Variants in TARS3 observed in about 807,000 individuals in gnomAD.
TARS3 encodes threonine--tRNA ligase 2, cytoplasmic.
TARS3 carries 94 observed loss-of-function variants against 103.5 expected under a neutral mutation model. That is an observed-to-expected ratio of 0.91 (90% confidence interval 0.77 to 1.08). TARS3 has a LOEUF of 1.08. Ranked by LOEUF, TARS3 falls within the 50% of genes least tolerant of loss-of-function variation. The pLI is 0.00. For synonymous variants in TARS3, 416 were observed against 355.4 expected, an observed-to-expected ratio of 1.17 and a Z score of -1.92; for missense variants, 952 against 995.2, an observed-to-expected ratio of 0.96 and a Z score of 0.58.
At chr15:101,655,896 C>T (rs1193285457) in intron 18 of TARS3, 1 of 1,288,686 alleles carries the variant, frequency 7.8e-7, no homozygotes, top group African/African-American at 1.5e-5. Flanking sequence ...ACACCAGACC[C>T]ATGCGAGCCA....
At chr15:101,688,256 T>C (rs936890101) in intron 10 of TARS3, among the ~76,000 whole-genome samples, 25 of 152,186 alleles carry the variant, frequency 1.6e-4, no homozygotes, top group African/African-American at 5.5e-4. Flanking sequence ...TGGATGTTCA[T>C]TGCATTGCAT....
In TARS3 at chr15:101,724,457, A is replaced by C. The variant is rs1463163667; in HGVS notation, c.-70T>G. The C allele has an allele frequency of 2.2e-6, 3 of 1,343,204 alleles. No individual in the cohort carries two copies. The highest frequency in any genetic ancestry group is 9.5e-7 in the Non-Finnish European group (1 of 1,054,458). The allele number at this position is 1,343,204 out of a possible 1,614,324, so 83.2% of individuals were successfully genotyped here. ...TGCGGCGAGGGCGACGCGGACACTC[A>C]GCGCACGGCAGAAGACAGGGCTCCC... On this transcript the variant is annotated 5_prime_UTR_variant, in exon 1 of 19. Transcript: ENST00000335968.
intron 13 of TARS3, among the ~76,000 whole-genome samples, chr15:101,674,824 G>GA (rs1460062250): frequency 2.0e-5 from 3 of 151,556 alleles, no homozygotes; most frequent in African/African-American, 7.3e-5. Flanking sequence ...AAGAAAAAAA[G>GA]AAAAAAAGAA....
rs545094795 is a variant in TARS3, at chr15:101,699,769, G to A, written c.1320+1317C>T. ...GGGCACAGCACAAGAAGAAAAAGAC[G>A]GAGAACAAGACTGGAGAAGCAAACA... On this transcript the variant is annotated intron_variant, in intron 10 of 18. Coordinates refer to ENST00000335968, the MANE Select transcript of TARS3 (RefSeq NM_152334.3). Among the ~76,000 whole-genome samples the A allele has an allele frequency of 4.3e-4, 65 of 152,276 alleles. No homozygotes were observed. The South Asian group carries it at 0.011, about 27-fold the overall frequency.
intron 15 of TARS3, among the ~76,000 whole-genome samples, chr15:101,666,006 G>A (rs1219282779): frequency 6.6e-6 from 1 of 152,102 alleles, no homozygotes; most frequent in Non-Finnish European, 1.5e-5. Context: ...GAAGACTTCA[G>A]AATTCATTTC....
intron 13 of TARS3, among the ~76,000 whole-genome samples, chr15:101,672,442 T>C (rs1283120288): frequency 1.3e-5 from 2 of 152,196 alleles, no homozygotes; most frequent in Admixed American, 6.5e-5. Flanking sequence ...TCCTGAGTCC[T>C]TGGCCAAAAG....
chr15:101,720,935 C>T (rs1451177978), intron 3 of TARS3, among the ~76,000 whole-genome samples, 191 bp downstream of exon 3: 1 of 152,198 alleles, frequency 6.6e-6, no homozygotes, highest in Non-Finnish European at 1.5e-5. Flanking sequence ...TGTAAGTTTC[C>T]TGAAGCCTCC....
At chr15:101,693,753 G>A (rs1026789079) in intron 10 of TARS3, among the ~76,000 whole-genome samples, 1 of 152,142 alleles carries the variant, frequency 6.6e-6, no homozygotes, top group South Asian at 2.1e-4. Flanking sequence ...ACTCAACTCG[G>A]ATGCATCTCC....
intron 6 of TARS3, among the ~76,000 whole-genome samples, chr15:101,707,918 G>T (rs1462445137): frequency 6.6e-6 from 1 of 151,956 alleles, no homozygotes; most frequent in African/African-American, 2.4e-5. Flanking sequence ...TTTTATTCAA[G>T]CCCACAAAAC....
In TARS3 at chr15:101,679,954, T is replaced by C. The variant is rs376426619; in HGVS notation, c.1650+4121A>G. ...ACAGAAAGCATGGCCTCATGACCAA[T>C]TGGCAGTGAGAAAGTCTTATCTTTC... On this transcript the variant is annotated intron_variant, in intron 12 of 18. Coordinates refer to ENST00000335968, the MANE Select transcript of TARS3 (RefSeq NM_152334.3). Among the ~76,000 whole-genome samples, 58 of 152,272 alleles carry C rather than the reference T, an allele frequency of 3.8e-4. No homozygotes were observed. The East Asian group carries it at 6.0e-3, about 16-fold the overall frequency.
At chr15:101,680,853 G>A (rs1733903756) in intron 12 of TARS3, among the ~76,000 whole-genome samples, 1 of 152,096 alleles carries the variant, frequency 6.6e-6, no homozygotes, top group Admixed American at 6.5e-5. Flanking sequence ...GCCCTTTGGT[G>A]TCATATCTGA....
intron 12 of TARS3, among the ~76,000 whole-genome samples, chr15:101,681,105 C>A (rs1289593186): frequency 6.6e-6 from 1 of 152,086 alleles, no homozygotes; most frequent in African/African-American, 2.4e-5. Context: ...ATCAGTTGTC[C>A]ATATATTTGT....
chr15:101,691,017 C>A (rs1898693472), intron 10 of TARS3, among the ~76,000 whole-genome samples: 2 of 152,080 alleles, frequency 1.3e-5, no homozygotes, highest in South Asian at 2.1e-4. Context: ...CAGCTCACTG[C>A]AAGCTTCGTC....
intron 3 of TARS3, 79 bp downstream of exon 3, chr15:101,721,047 G>A (rs574504840): frequency 8.3e-7 from 1 of 1,205,030 alleles, no homozygotes; most frequent in Non-Finnish European, 1.2e-6. Context: ...TAATATATTA[G>A]CGGTCCCTAA....
intron 15 of TARS3, among the ~76,000 whole-genome samples, chr15:101,666,274 G>A (rs1414179888): frequency 1.3e-5 from 2 of 151,860 alleles, no homozygotes; most frequent in Non-Finnish European, 2.9e-5. Context: ...TAAGGAGTTC[G>A]AGACCAGCCT....
At chr15:101,658,311 C>CAAAAAAAAAAAAAAAA in intron 16 of TARS3, among the ~76,000 whole-genome samples, 1 of 70,150 alleles carries the variant, frequency 1.4e-5, no homozygotes, top group Non-Finnish European at 2.5e-5. Flanking sequence ...ACACCATCAG[C>CAAAAAAAAAAAAAAAA]AAAAAAAAAA....
chr15:101,695,831 G>C (rs1395299415), intron 10 of TARS3: 2 of 152,286 alleles, frequency 1.3e-5, no homozygotes, highest in Admixed American at 1.3e-4. Context: ...CTTGAACCTG[G>C]GAGGCAGAGG....
intron 16 of TARS3, among the ~76,000 whole-genome samples, chr15:101,660,068 T>C (rs1176294134): frequency 1.3e-5 from 2 of 152,122 alleles, no homozygotes; most frequent in Non-Finnish European, 2.9e-5. Flanking sequence ...ATGGAATCCA[T>C]TATGGCAAGG....
chr15:101,657,530 C>T (rs185360988), intron 17 of TARS3, among the ~76,000 whole-genome samples: 87 of 152,322 alleles, frequency 5.7e-4, no homozygotes, highest in Admixed American at 5.6e-3. Flanking sequence ...TAATATTCTT[C>T]CCTAATAGAG....
Sources: gnomAD v4.1 joint callset for allele counts (sites outside exome capture counted in the v4.1 genomes callset) on GRCh38, gnomAD v4.1.1 for gene constraint, MANE v1.5 for transcripts, NCBI Gene and HGNC (gene_info 2026-07-23, HGNC 2026-07-21) for gene names.